CDC20B: variants seen among roughly 807,000 people sequenced by gnomAD.
The protein encoded by CDC20B is cell division cycle protein 20 homolog B.
CDC20B carries 58 observed loss-of-function variants against 64.1 expected under a neutral mutation model. The observed-to-expected ratio is 0.90, with a 90% CI of 0.73 to 1.13. CDC20B has a LOEUF of 1.13. CDC20B is among the 50% of genes most tolerant of loss of function. CDC20B has a pLI of 0.00. For missense variants in CDC20B, 597 were observed against 633.0 expected, an observed-to-expected ratio of 0.94 and a Z score of 0.61; for synonymous variants, 243 against 230.6, an observed-to-expected ratio of 1.05 and a Z score of -0.49.
Position 55,128,481 on chromosome 5 carries a change from A to G in CDC20B, c.834T>C (p.Ser278=), listed in dbSNP as rs780630617. ...DLSLTCNYIS[S]VSWIKEGTCL... ...AAGTTCCCTCTTTTATCCAGGACAC[A>G]GAAGAGATATAGTTACAAGTGAGAC... The change falls in exon 7 of 12, where the codon TCT becomes TCC. Residue 278 remains serine, a synonymous_variant. Coordinates refer to ENST00000381375, the MANE Select transcript of CDC20B (RefSeq NM_001170402.1). 18 of 1,611,334 alleles carry G rather than the reference A, an allele frequency of 1.1e-5. No homozygotes were observed. In the African/African-American group the frequency reaches 2.3e-4, roughly 20 times the overall value.
chr5:55,170,407 T>C, intron 2 of CDC20B: 1 of 402,350 alleles, frequency 2.5e-6, no homozygotes, highest in South Asian at 1.9e-5. Context: ...AACTGTGCAT[T>C]GTAAGTATTA....
At chr5:55,116,252 T>C (rs1742624403) in intron 11 of CDC20B, among the ~76,000 whole-genome samples, 1 of 152,128 alleles carries the variant, frequency 6.6e-6, no homozygotes, top group Non-Finnish European at 1.5e-5. Flanking sequence ...AGGATAAATA[T>C]AGGAGACGGA....
intron 7 of CDC20B, 59 bp downstream of exon 7, chr5:55,128,362 C>T: frequency 7.5e-7 from 1 of 1,341,402 alleles, no homozygotes; most frequent in Non-Finnish European, 1.0e-6. Context: ...TATTAAAAGT[C>T]AATTATAGTG....
At chr5:55,139,076 G>A (rs1743260615) in intron 5 of CDC20B, among the ~76,000 whole-genome samples, 2 of 151,016 alleles carry the variant, frequency 1.3e-5, no homozygotes, top group Admixed American at 1.3e-4. Flanking sequence ...TTAATGCCAA[G>A]CTTTATCATC....
chr5:55,119,856 C>T lies in CDC20B; in HGVS notation c.1404G>A (p.Lys468=), dbSNP rs376208327. Residue 468 remains lysine, a synonymous_variant, in exon 11 of 12, where the codon AAG becomes AAA. Transcript: ENST00000381375. ...KEIATGQGTP[K]NDVTVWTCPT... ...GACAGGTCCACACAGTCACATCATT[C>T]TTGGGAGTACCTTGACCAGTTGCAA... 4 of 1,613,970 alleles carry T rather than the reference C, an allele frequency of 2.5e-6. No individual in the cohort carries two copies. The African/African-American group carries it at 4.0e-5, about 16-fold the overall frequency.
intron 9 of CDC20B, among the ~76,000 whole-genome samples, chr5:55,124,045 T>TC (rs1742818101): frequency 1.3e-5 from 2 of 152,192 alleles, no homozygotes; most frequent in African/African-American, 4.8e-5. Context: ...TACGTTGAGG[T>TC]CAAGACACAT....
chr5:55,133,027 A>G (rs1332259172), intron 6 of CDC20B, among the ~76,000 whole-genome samples: 2 of 152,206 alleles, frequency 1.3e-5, no homozygotes, highest in South Asian at 2.1e-4. Flanking sequence ...GGCATATGGT[A>G]TCAGTTCCGT....
intron 2 of CDC20B, among the ~76,000 whole-genome samples, chr5:55,154,708 C>T (rs1743762092): frequency 6.6e-6 from 1 of 152,176 alleles, no homozygotes; most frequent in Non-Finnish European, 1.5e-5. Context: ...AAAATTCTCT[C>T]AGTCCCTGCA....
At chr5:55,139,374 G>A (rs569154707) in intron 5 of CDC20B, among the ~76,000 whole-genome samples, 1 of 152,264 alleles carries the variant, frequency 6.6e-6, no homozygotes, top group Non-Finnish European at 1.5e-5. Flanking sequence ...AGTCCCAGAA[G>A]ACAACTGTGC....
At position 55,173,009 on chromosome 5, in the gene CDC20B, G is replaced by A; in HGVS notation, c.-9C>T. 1.2e-6 allele frequency: 2 copies of A among 1,609,292 alleles called. No individual in the cohort carries two copies. The highest frequency in any genetic ancestry group is 2.2e-5 in the South Asian group (2 of 89,684). Reference sequence around the variant, plus strand: ...TCCAGTTTCCACTCCATCTCCGGCTGACTTCGCCCTGCCTGGCGTTTGGCC... The same window carrying A: ...TCCAGTTTCCACTCCATCTCCGGCTAACTTCGCCCTGCCTGGCGTTTGGCC... On this transcript the variant is annotated 5_prime_UTR_variant, in exon 1 of 12. Coordinates refer to ENST00000381375, the MANE Select transcript of CDC20B (RefSeq NM_001170402.1).
rs762470235 is a variant in CDC20B, at chr5:55,172,921, A to G, written c.63+17T>C. 3 of 1,591,490 alleles carry G rather than the reference A, an allele frequency of 1.9e-6. No individual in the cohort carries two copies. In the South Asian group the frequency reaches 3.4e-5, roughly 18 times the overall value. On this transcript the variant is annotated intron_variant, in intron 1 of 11. Transcript: ENST00000381375. ...CATTAGAGAGTTAGGGAGAATGCAG[A>G]AAAGGGTGTTACTCACCCACAGCAT...
chr5:55,160,364 A>T, intron 2 of CDC20B: 2 of 1,613,148 alleles, frequency 1.2e-6, no homozygotes, highest in Non-Finnish European at 1.7e-6. Flanking sequence ...TGCAAAAGGA[A>T]GAACTGTTTC....
chr5:55,124,276 T>C (rs1742822205), intron 9 of CDC20B, among the ~76,000 whole-genome samples: 1 of 152,188 alleles, frequency 6.6e-6, no homozygotes, highest in Admixed American at 6.5e-5. Context: ...AACTGAGAGA[T>C]GAGAATGTGA....
At chr5:55,153,101 C>T (rs184900926) in intron 2 of CDC20B, among the ~76,000 whole-genome samples, 2 of 151,764 alleles carry the variant, frequency 1.3e-5, no homozygotes, top group Admixed American at 6.6e-5. Flanking sequence ...TAGCTGGGCA[C>T]GGTGGTGTGT....
At chr5:55,124,135 A>G (rs547016917) in intron 9 of CDC20B, among the ~76,000 whole-genome samples, 11 of 152,240 alleles carry the variant, frequency 7.2e-5, no homozygotes, top group Non-Finnish European at 7.3e-5. Context: ...ATAAATAATT[A>G]TGCAGAACAT....
intron 9 of CDC20B, among the ~76,000 whole-genome samples, chr5:55,121,055 A>C (rs1742742506): frequency 6.6e-6 from 1 of 152,216 alleles, no homozygotes; most frequent in Non-Finnish European, 1.5e-5. Flanking sequence ...TCAGAAAATA[A>C]AATTGCCTTC....
chr5:55,119,410 C>T (rs1369046793), intron 11 of CDC20B, among the ~76,000 whole-genome samples: 2 of 152,170 alleles, frequency 1.3e-5, no homozygotes, highest in Non-Finnish European at 1.5e-5. Flanking sequence ...ACAGAGGAAG[C>T]TCATGGTCAT....
intron 2 of CDC20B, among the ~76,000 whole-genome samples, chr5:55,154,289 G>A (rs1222617688): frequency 6.6e-6 from 1 of 152,198 alleles, no homozygotes; most frequent in Non-Finnish European, 1.5e-5. Flanking sequence ...GGCCAGTGCA[G>A]AGGGGGAATC....
intron 6 of CDC20B, 25 bp from the exon 7 acceptor site, chr5:55,128,642 G>A (rs1022045403): frequency 6.8e-7 from 1 of 1,469,280 alleles, no homozygotes; most frequent in Non-Finnish European, 9.0e-7. Flanking sequence ...CTTCAAATTA[G>A]TATAATTATA....
Sources: allele counts gnomAD v4.1 joint callset (sites outside exome capture counted in the v4.1 genomes callset), GRCh38; gene constraint gnomAD v4.1.1; transcripts MANE v1.5; gene names NCBI Gene and HGNC (gene_info 2026-07-23, HGNC 2026-07-21).